Variants in GABRB2 observed in about 807,000 individuals in gnomAD.
GABRB2 encodes gamma-aminobutyric acid type A receptor subunit beta2.
A neutral mutation model predicts 54.7 loss-of-function variants in GABRB2; 16 were observed. That is an observed-to-expected ratio of 0.29 (90% confidence interval 0.20 to 0.44). The LOEUF is 0.44. Ranked by LOEUF, GABRB2 falls within the 20% of genes least tolerant of loss-of-function variation. The probability of loss-of-function intolerance (pLI) is 1.00; values close to 1 mark genes in which losing one functional copy is unlikely to be tolerated. For missense variants in GABRB2, 355 were observed against 644.0 expected (o/e 0.55, Z 4.86); for synonymous variants, 244 against 233.8 (o/e 1.04, Z -0.40).
chr5:161,336,607 C>A, intron 6 of GABRB2, 25 bp downstream of exon 6: 1 of 1,608,934 alleles, frequency 6.2e-7, no homozygotes. Context: ...ATTATTTTCC[C>A]TTAACACTTT....
intron 5 of GABRB2, among the ~76,000 whole-genome samples, chr5:161,357,622 G>C (rs2113445962): frequency 6.6e-6 from 1 of 152,054 alleles, no homozygotes. Context: ...AACTGAAGAA[G>C]GGAAACCAGT....
intron 3 of GABRB2, among the ~76,000 whole-genome samples, chr5:161,514,578 C>CGTGTGT (rs145160394): frequency 2.0e-5 from 3 of 150,482 alleles, no homozygotes; most frequent in African/African-American, 7.3e-5. Flanking sequence ...AGTATATATA[C>CGTGTGT]GTGTGTGTGT....
At chr5:161,467,608 G>T (rs1758316221) in intron 3 of GABRB2, among the ~76,000 whole-genome samples, 1 of 151,986 alleles carries the variant, frequency 6.6e-6, no homozygotes. Context: ...AAGTATTTCA[G>T]TTTTTTTGTC....
At position 161,290,489 on chromosome 5, in the gene GABRB2, T is replaced by C. The variant is rs1257370738; in HGVS notation, c.*3592A>G. 1 of 152,536 alleles carries C rather than the reference T, an allele frequency of 6.6e-6. No individual in the cohort carries two copies. The highest frequency in any genetic ancestry group is 1.5e-5 in the Non-Finnish European group (1 of 67,994). 9.4% of individuals were successfully genotyped at this position (152,536 alleles called of 1,614,324 possible). A position where few individuals can be genotyped will look rare whatever the true frequency, so the allele number is the denominator to read the frequency against. On this transcript the variant is annotated 3_prime_UTR_variant, in exon 10 of 10. Transcript: ENST00000393959. The stretch of plus-strand genomic sequence containing the variant: ...GATTTGCTGATAGAGAAATGCTCAG[T>C]ACCCTGTATTACTTATTTCAGTATG...
intron 5 of GABRB2, among the ~76,000 whole-genome samples, chr5:161,366,701 T>G (rs955161885): frequency 2.0e-5 from 3 of 152,060 alleles, no homozygotes; most frequent in Non-Finnish European, 4.4e-5. Context: ...ATCCCAGCAC[T>G]TTGGGAGGAT....
rs576644624 is a variant in GABRB2, at chr5:161,383,546, T to C, written c.541+27429A>G. ...TAGCCCTTCACCACTTATTAATTGA[T>C]TAAAATTAAATACTATCAAAAATTC... On this transcript the variant is annotated intron_variant, in intron 5 of 9. Coordinates refer to ENST00000393959, the MANE Select transcript of GABRB2 (RefSeq NM_001371727.1). Among the ~76,000 whole-genome samples, 6 of 152,284 alleles carry C rather than the reference T, an allele frequency of 3.9e-5. No homozygotes were observed. In the East Asian group the frequency reaches 1.2e-3, roughly 29 times the overall value.
chr5:161,347,817 A>C lies in GABRB2; in HGVS notation c.542-11048T>G, dbSNP rs569101072. Among the ~76,000 whole-genome samples, 20 of 152,252 alleles carry C rather than the reference A, an allele frequency of 1.3e-4. No homozygotes were observed. The South Asian group carries it at 3.5e-3, about 27-fold the overall frequency. On this transcript the variant is annotated intron_variant, in intron 5 of 9. Coordinates refer to ENST00000393959, the MANE Select transcript of GABRB2 (RefSeq NM_001371727.1). Reference sequence around the variant, plus strand: ...ATTAAAAAGTAGCAAAATCTAATGGAGAATGCTGGGTTCTGTAGCAAACAG... The same window carrying C: ...ATTAAAAAGTAGCAAAATCTAATGGCGAATGCTGGGTTCTGTAGCAAACAG...
At chr5:161,303,284 T>C (rs1011128762) in intron 9 of GABRB2, among the ~76,000 whole-genome samples, 1 of 152,226 alleles carries the variant, frequency 6.6e-6, no homozygotes, top group African/African-American at 2.4e-5. Context: ...ACTTATGAAG[T>C]GGACGCTGTT....
At chr5:161,527,205 C>T (rs977675497) in intron 3 of GABRB2, among the ~76,000 whole-genome samples, 3 of 151,408 alleles carry the variant, frequency 2.0e-5, no homozygotes, top group Non-Finnish European at 3.0e-5. Flanking sequence ...GAAGGATTTC[C>T]TATGTGGTAA....
upstream of GABRB2, chr5:161,548,130 G>A (rs1761047798): frequency 6.6e-6 from 1 of 152,664 alleles, no homozygotes; most frequent in East Asian, 1.9e-4. Context: ...CGCGCCCAGG[G>A]GACTCGCACA....
chr5:161,507,410 T>C (rs1431663692), intron 3 of GABRB2, among the ~76,000 whole-genome samples: 1 of 152,020 alleles, frequency 6.6e-6, no homozygotes. Flanking sequence ...GGAAGCTAAG[T>C]GAAGGTTATT....
chr5:161,379,773 C>A (rs550195274), intron 5 of GABRB2, among the ~76,000 whole-genome samples: 12 of 152,168 alleles, frequency 7.9e-5, no homozygotes, highest in African/African-American at 2.9e-4. Context: ...AAATGAAGCT[C>A]AGGTTTAACA....
rs149584799 is a variant in GABRB2 at position 161,536,185 on chromosome 5, T to C, written c.237+9042A>G. ...CTAAATGGACTAAGACAAGTAGCTA[T>C]AATTATTTCCTTATATTCATGTTAT... On this transcript the variant is annotated intron_variant, in intron 3 of 9. Coordinates refer to ENST00000393959, the MANE Select transcript of GABRB2 (RefSeq NM_001371727.1). Among the ~76,000 whole-genome samples the C allele has an allele frequency of 9.8e-5, 15 of 152,320 alleles. 1 individual carries two copies. In the East Asian group the frequency reaches 2.7e-3, roughly 27 times the overall value.
chr5:161,449,959 CT>C (rs1757745335), intron 4 of GABRB2, among the ~76,000 whole-genome samples: 1 of 152,106 alleles, frequency 6.6e-6, no homozygotes, highest in Non-Finnish European at 1.5e-5. Flanking sequence ...TTTGAATGTA[CT>C]ATGTATATCA....
At chr5:161,367,067 A>G (rs1169865808) in intron 5 of GABRB2, among the ~76,000 whole-genome samples, 1 of 152,202 alleles carries the variant, frequency 6.6e-6, no homozygotes, top group Non-Finnish European at 1.5e-5. Context: ...TGCTCTAAGA[A>G]TATATTCCAC....
intron 3 of GABRB2, among the ~76,000 whole-genome samples, chr5:161,534,094 T>G (rs1346222749): frequency 6.6e-6 from 1 of 151,994 alleles, no homozygotes; most frequent in Non-Finnish European, 1.5e-5. Context: ...AAAAAGAAAA[T>G]CTCTCCTCTA....
At chr5:161,318,106 A>C (rs1010537144) in intron 9 of GABRB2, among the ~76,000 whole-genome samples, 10 of 151,940 alleles carry the variant, frequency 6.6e-5, no homozygotes, top group African/African-American at 2.4e-4. Flanking sequence ...CTATTATGTA[A>C]ATGAAAGTAA....
chr5:161,448,381 C>T (rs1415868273), intron 4 of GABRB2, among the ~76,000 whole-genome samples: 1 of 152,034 alleles, frequency 6.6e-6, no homozygotes, highest in South Asian at 2.1e-4. Flanking sequence ...TATGAGAACA[C>T]CAGACTGGGA....
Position 161,310,748 on chromosome 5 carries a change from A to G in GABRB2, c.1191+15620T>C, listed in dbSNP as rs1757841694. ...AAATAAAAAACTTCAAAGAAAGTTT[A>G]AAGTTATGCTACAGCATTTTTTTTT... On this transcript the variant is annotated intron_variant, in intron 9 of 9. Coordinates refer to ENST00000393959, the MANE Select transcript of GABRB2 (RefSeq NM_001371727.1). 2.0e-5 allele frequency among the ~76,000 whole-genome samples: 3 copies of G among 151,618 alleles called. 1 individual carries two copies. The highest frequency in any genetic ancestry group is 4.4e-5 in the Non-Finnish European group (3 of 68,010).
Sources: allele counts gnomAD v4.1 joint callset (sites outside exome capture counted in the v4.1 genomes callset), GRCh38; gene constraint gnomAD v4.1.1; transcripts MANE v1.5; gene names NCBI Gene and HGNC (gene_info 2026-07-23, HGNC 2026-07-21).